Variants in AK9 observed in about 807,000 individuals in gnomAD.
AK9 encodes adenylate kinase domain containing 1.
A neutral mutation model predicts 239.6 loss-of-function variants in AK9; 191 were observed. The observed-to-expected ratio is 0.80, with a 90% CI of 0.71 to 0.90. AK9 has a LOEUF of 0.90. Among genes scored for constraint, AK9 ranks in the 40% least tolerant of loss-of-function variants. The probability of loss-of-function intolerance (pLI) is 0.00; values close to 1 mark genes in which losing one functional copy is unlikely to be tolerated. For missense variants in AK9, 1,995 were observed against 2,214.7 expected (o/e 0.90, Z 1.99); for synonymous variants, 689 against 721.0 (o/e 0.96, Z 0.71).
At chr6:109,583,744 A>C (rs1275223447) in intron 19 of AK9, among the ~76,000 whole-genome samples, 1 of 152,108 alleles carries the variant, frequency 6.6e-6, no homozygotes, top group Non-Finnish European at 1.5e-5. Context: ...GAATTGACAG[A>C]AAGTGGAGAA....
chr6:109,675,078 G>C (rs1357108731), intron 2 of AK9, among the ~76,000 whole-genome samples: 1 of 152,136 alleles, frequency 6.6e-6, no homozygotes, highest in Non-Finnish European at 1.5e-5. Context: ...GAGGCATGGT[G>C]CCTCTCAGGA....
intron 29 of AK9, among the ~76,000 whole-genome samples, chr6:109,520,582 T>G (rs757842627): frequency 6.6e-6 from 1 of 152,160 alleles, no homozygotes; most frequent in Non-Finnish European, 1.5e-5. Context: ...GGGATTGTTT[T>G]GGCTATTTGG....
chr6:109,603,103 C>T (rs551804071), intron 17 of AK9, among the ~76,000 whole-genome samples: 27 of 152,336 alleles, frequency 1.8e-4, no homozygotes, highest in Non-Finnish European at 3.1e-4. Context: ...AGCTTTGTTC[C>T]GTTGCTGGCA....
Position 109,546,015 on chromosome 6 carries a change from A to C in AK9, c.3077T>G (p.Leu1026Arg). The part of the protein sequence containing the change: ...NIFHIQFEEV[L>R]QEKLLLKTEK... ...AGTTTTGAGTAGTAGTTTTTCTTGAAGAACTTCTTCAAACTGAATGTGAAA... is the reference window on the plus strand; with the variant it reads ...AGTTTTGAGTAGTAGTTTTTCTTGACGAACTTCTTCAAACTGAATGTGAAA... The change falls in exon 26 of 41, where the codon CTT (leucine) becomes CGT (arginine). Residue 1026 changes from leucine to arginine, a missense_variant. Physicochemically the swap from Leu to Arg is moderately radical, Grantham distance 102. Around this residue, in one of 5 missense-constraint regions of AK9, gnomAD observed 1,290 missense variants for 1,392.7 expected, o/e 0.93. Coordinates refer to ENST00000424296, the MANE Select transcript of AK9 (RefSeq NM_001145128.3). The C allele has an allele frequency of 6.2e-7, 1 of 1,614,076 alleles. No individual in the cohort carries two copies. The highest frequency in any genetic ancestry group is 1.1e-5 in the South Asian group (1 of 91,056).
chr6:109,691,199 C>T lies in AK9; in HGVS notation c.-64G>A. 1 of 587,874 alleles carries T rather than the reference C, an allele frequency of 1.7e-6. No homozygotes were observed. Among genetic ancestry groups the T allele is most frequent in the Non-Finnish European group, 3.0e-6 (1 of 327,934 alleles). The allele number at this position is 587,874 out of a possible 1,614,324, so 36.4% of individuals were successfully genotyped here. On this transcript the variant is annotated 5_prime_UTR_variant, in exon 1 of 41. Coordinates refer to ENST00000424296, the MANE Select transcript of AK9 (RefSeq NM_001145128.3). ...TCGGCAGCACGCAGGTCCCGGGAGC[C>T]TCTACCCGACCTCTCTATGATACGT...
chr6:109,681,380 C>T (rs1283131992), intron 1 of AK9, among the ~76,000 whole-genome samples: 1 of 152,124 alleles, frequency 6.6e-6, no homozygotes, highest in Non-Finnish European at 1.5e-5. Flanking sequence ...GGGATCAATG[C>T]AGCAAGAAGA....
chr6:109,618,403 A>C (rs1250887132), intron 13 of AK9, among the ~76,000 whole-genome samples: 4 of 150,518 alleles, frequency 2.7e-5, no homozygotes, highest in African/African-American at 9.7e-5. Context: ...TGAAATGAGA[A>C]CTCTCATTTT....
chr6:109,623,753 T>C (rs1322235213), intron 12 of AK9, among the ~76,000 whole-genome samples: 1 of 152,098 alleles, frequency 6.6e-6, no homozygotes. Flanking sequence ...AAAGTTTTAC[T>C]TTCCTTTTAA....
chr6:109,662,474 G>C, intron 6 of AK9, 77 bp downstream of exon 6: 1 of 1,187,430 alleles, frequency 8.4e-7, no homozygotes. Context: ...ATTTAAAAAT[G>C]TTTAAAGCAT....
chr6:109,675,812 C>G (rs1771633782), intron 1 of AK9, 56 bp from the exon 2 acceptor site: 1 of 998,610 alleles, frequency 1.0e-6, no homozygotes. Context: ...GATGAGGTGA[C>G]TAGGAACAAT....
At chr6:109,636,839 A>G (rs959440762) in intron 10 of AK9, among the ~76,000 whole-genome samples, 1 of 149,734 alleles carries the variant, frequency 6.7e-6, no homozygotes, top group African/African-American at 2.5e-5. Context: ...CCTTCTGGCT[A>G]TTGTGAATAG....
chr6:109,528,814 A>G, intron 29 of AK9, 197 bp downstream of exon 29: 1 of 883,898 alleles, frequency 1.1e-6, no homozygotes, highest in South Asian at 1.4e-5. Flanking sequence ...AAGCTGTTAC[A>G]AGAGTGTCTT....
intron 29 of AK9, among the ~76,000 whole-genome samples, chr6:109,517,656 T>C (rs1449215839): frequency 6.6e-6 from 1 of 152,204 alleles, no homozygotes; most frequent in Non-Finnish European, 1.5e-5. Flanking sequence ...TATGCTCTTA[T>C]AGCTATTATT....
At chr6:109,513,838 T>TA (rs1416921134) in intron 32 of AK9, among the ~76,000 whole-genome samples, 3 of 152,186 alleles carry the variant, frequency 2.0e-5, no homozygotes, top group African/African-American at 7.2e-5. Context: ...GTTAGAATAA[T>TA]AAGGCTATTG....
intron 1 of AK9, among the ~76,000 whole-genome samples, chr6:109,688,932 G>T (rs888010729): frequency 6.6e-6 from 1 of 152,176 alleles, no homozygotes; most frequent in Non-Finnish European, 1.5e-5. Flanking sequence ...GAACTCAGGG[G>T]ATTCTCTGAG....
Position 109,636,661 on chromosome 6 carries a change from A to G in AK9, c.934-3338T>C, listed in dbSNP as rs190143027. 2.7e-5 allele frequency among the ~76,000 whole-genome samples: 4 copies of G among 149,368 alleles called. No homozygotes were observed. The Admixed American group carries it at 2.7e-4, about 10-fold the overall frequency. On this transcript the variant is annotated intron_variant, in intron 10 of 40. Coordinates refer to ENST00000424296, the MANE Select transcript of AK9 (RefSeq NM_001145128.3). The stretch of plus-strand genomic sequence containing the variant: ...TGGAATCATATGTTTGCCCTTTTGT[A>G]TCTGCTTGTTTCACTTAGTATGTTT...
intron 6 of AK9, 113 bp downstream of exon 6, chr6:109,662,438 A>G: frequency 1.2e-6 from 1 of 859,160 alleles, no homozygotes; most frequent in Non-Finnish European, 1.6e-6. Flanking sequence ...CCTGTGATTG[A>G]TGCATAAGTT....
chr6:109,667,928 T>G (rs1297669057), intron 5 of AK9, among the ~76,000 whole-genome samples: 1 of 152,202 alleles, frequency 6.6e-6, no homozygotes, highest in Non-Finnish European at 1.5e-5. Context: ...AGTAATGGGA[T>G]GGCTGGGTCA....
chr6:109,537,595 C>CT (rs201386011), intron 27 of AK9, among the ~76,000 whole-genome samples: 6,166 of 108,374 alleles, frequency 0.057, 114 homozygotes, highest in Middle Eastern at 0.083. Flanking sequence ...TTTTTTGTGT[C>CT]CTATCTCTTT....
Sources: allele counts gnomAD v4.1 joint callset (sites outside exome capture counted in the v4.1 genomes callset), GRCh38; gene constraint gnomAD v4.1.1; regional missense constraint gnomAD v4.1.1; transcripts MANE v1.5; gene names NCBI Gene and HGNC (gene_info 2026-07-23, HGNC 2026-07-21).